The following SLC30A10 variants were observed in gnomAD, a reference collection of about 807,000 sequenced individuals.
The protein encoded by SLC30A10 is calcium/manganese antiporter SLC30A10.
SLC30A10 carries 8 observed loss-of-function variants against 21.7 expected under a neutral mutation model. That is an observed-to-expected ratio of 0.37 (90% CI 0.22 to 0.67). The LOEUF (loss-of-function observed/expected upper bound fraction) is 0.67. Among genes scored for constraint, SLC30A10 ranks in the 30% least tolerant of loss-of-function variants. SLC30A10 has a pLI of 0.58. For missense variants in SLC30A10, 521 were observed against 642.5 expected, an observed-to-expected ratio of 0.81 and a Z score of 2.04; for synonymous variants, 272 against 279.4, an observed-to-expected ratio of 0.97 and a Z score of 0.26.
intron 1 of SLC30A10, among the ~76,000 whole-genome samples, chr1:219,927,326 G>A (rs1452321648): frequency 6.6e-6 from 1 of 152,116 alleles, no homozygotes; most frequent in Non-Finnish European, 1.5e-5. Context: ...AAAACAAAAA[G>A]AGGGTGAATG....
In SLC30A10 at chr1:219,943,068, T is replaced by C. The variant is rs537874866; in HGVS notation, n.80+15500A>G. The stretch of plus-strand genomic sequence containing the variant: ...TCAAAAATAAAAATAAAAATAATCA[T>C]GAAATACACAAAATGTGAGAAGGTA... On this transcript the variant is annotated intron_variant and non_coding_transcript_variant, in intron 1 of 8. Coordinates refer to the SLC30A10 transcript ENST00000484239. 1.5e-4 allele frequency among the ~76,000 whole-genome samples: 23 copies of C among 151,812 alleles called. No individual in the cohort carries two copies. In the South Asian group the frequency reaches 4.8e-3, roughly 32 times the overall value.
In SLC30A10 at chr1:219,912,112, T is replaced by C. The variant is rs1355856112; in HGVS notation, c.*3337A>G. Among the ~76,000 whole-genome samples the C allele has an allele frequency of 7.0e-6, 1 of 142,424 alleles. No homozygotes were observed. Among genetic ancestry groups the C allele is most frequent in the African/African-American group, 2.6e-5 (1 of 37,758 alleles). The allele number at this position is 142,424 out of a possible 152,430, so 93.4% of individuals were successfully genotyped here. A position where few individuals can be genotyped will look rare whatever the true frequency, so the allele number is the denominator to read the frequency against. On this transcript the variant is annotated 3_prime_UTR_variant, in exon 4 of 4. Transcript: ENST00000366926. The stretch of plus-strand genomic sequence containing the variant: ...ATTTCCTTGACATTCAAAACACCTG[T>C]CTCTACTGAACTTTAGAGTTCTTGA...
At chr1:219,953,844 C>A (rs564823404) in intron 1 of SLC30A10, among the ~76,000 whole-genome samples, 1 of 151,306 alleles carries the variant, frequency 6.6e-6, no homozygotes, top group African/African-American at 2.4e-5. Context: ...GTAGCTGGGA[C>A]TACAGGCGCC....
chr1:219,955,950 C>T (rs1242097649), intron 1 of SLC30A10, among the ~76,000 whole-genome samples: 1 of 152,094 alleles, frequency 6.6e-6, no homozygotes, highest in East Asian at 1.9e-4. Flanking sequence ...CATATTTGTT[C>T]TTAAAATGTG....
At chr1:219,933,359 A>C (rs773841532), upstream of SLC30A10, among the ~76,000 whole-genome samples, 1 of 152,280 alleles carries the variant, frequency 6.6e-6, no homozygotes, top group East Asian at 1.9e-4. Flanking sequence ...AAAATACCAG[A>C]CTCTAAATAA....
chr1:219,934,492 T>G (rs1048285236), intron 1 of SLC30A10, among the ~76,000 whole-genome samples: 4 of 151,916 alleles, frequency 2.6e-5, no homozygotes, highest in Non-Finnish European at 4.4e-5. Flanking sequence ...AAGCATAGTT[T>G]GAAAGACAAT....
At chr1:219,936,872 T>C (rs11804376) in intron 1 of SLC30A10, among the ~76,000 whole-genome samples, 6,242 of 152,284 alleles carry the variant, frequency 0.041, 310 homozygotes, top group African/African-American at 0.12. Flanking sequence ...TACATTCTAT[T>C]GTGTACCTGT....
At chr1:219,931,790 T>C (rs1207987975), upstream of SLC30A10, among the ~76,000 whole-genome samples, 1 of 152,192 alleles carries the variant, frequency 6.6e-6, no homozygotes, top group Non-Finnish European at 1.5e-5. Context: ...CAGCATTTTA[T>C]ACTTAACAGC....
At chr1:219,946,667 C>T (rs1660189746) in intron 1 of SLC30A10, among the ~76,000 whole-genome samples, 1 of 152,100 alleles carries the variant, frequency 6.6e-6, no homozygotes, top group Non-Finnish European at 1.5e-5. Context: ...CTCCTTCCAA[C>T]TGCCTGCCCA....
rs1277936158 is a variant in SLC30A10 at position 219,912,170 on chromosome 1, C to G, written c.*3279G>C. Among the ~76,000 whole-genome samples the G allele has an allele frequency of 1.3e-5, 1 of 74,698 alleles. No individual in the cohort carries two copies. 49.0% of individuals were successfully genotyped at this position (74,698 alleles called of 152,430 possible). A position where few individuals can be genotyped will look rare whatever the true frequency, so the allele number is the denominator to read the frequency against. ...CCACTGGAATTTGCTCTACCAATGG[C>G]AAAAAAAAAAAAAAAAAAAAAAAAA... On this transcript the variant is annotated 3_prime_UTR_variant, in exon 4 of 4. Coordinates refer to ENST00000366926, the MANE Select transcript of SLC30A10 (RefSeq NM_018713.3).
intron 1 of SLC30A10, among the ~76,000 whole-genome samples, chr1:219,927,398 G>A (rs995923815): frequency 6.6e-6 from 1 of 151,914 alleles, no homozygotes; most frequent in Non-Finnish European, 1.5e-5. Context: ...GGGCAAAGAG[G>A]GGGGGAGAAC....
chr1:219,950,435 C>T (rs1055447656), intron 1 of SLC30A10, among the ~76,000 whole-genome samples: 28 of 151,760 alleles, frequency 1.8e-4, no homozygotes, highest in Non-Finnish European at 3.1e-4. Context: ...GTCAGGAGAT[C>T]GAGACCATCC....
intron 1 of SLC30A10, among the ~76,000 whole-genome samples, chr1:219,950,212 A>G (rs1286559294): frequency 6.6e-6 from 1 of 152,268 alleles, no homozygotes; most frequent in Non-Finnish European, 1.5e-5. Flanking sequence ...CATTATTTCA[A>G]TGAGCTACAT....
chr1:219,922,176 GTTTTTTTTTTTTTTTTTTTT>G (rs869249213), intron 2 of SLC30A10, among the ~76,000 whole-genome samples: 3 of 36,450 alleles, frequency 8.2e-5, no homozygotes, highest in African/African-American at 2.2e-4. Flanking sequence ...GTGTGTGTGT[GTTTTTTTTTTTTTTTTTTTT>G]TTTTTTTTTT....
At chr1:219,936,717 C>T (rs1033507903) in intron 1 of SLC30A10, among the ~76,000 whole-genome samples, 1 of 152,176 alleles carries the variant, frequency 6.6e-6, no homozygotes, top group East Asian at 1.9e-4. Flanking sequence ...ACCCTTCAAA[C>T]TGCAATAGGA....
upstream of SLC30A10, among the ~76,000 whole-genome samples, chr1:219,928,911 G>T (rs2102536513): frequency 6.6e-6 from 1 of 152,312 alleles, no homozygotes; most frequent in East Asian, 1.9e-4. The surrounding 1 kb of genome is among the most constrained non-coding windows in gnomAD (Gnocchi z 6.3). Flanking sequence ...AGTCATAAGG[G>T]CCTTGGCTGC....
At chr1:219,943,570 C>T (rs1280515787) in intron 1 of SLC30A10, among the ~76,000 whole-genome samples, 1 of 152,132 alleles carries the variant, frequency 6.6e-6, no homozygotes, top group African/African-American at 2.4e-5. Flanking sequence ...ACCATCATAG[C>T]AAAGCCAGGA....
intron 1 of SLC30A10, among the ~76,000 whole-genome samples, chr1:219,939,085 G>A (rs1660082432): frequency 6.6e-6 from 1 of 152,196 alleles, no homozygotes; most frequent in Non-Finnish European, 1.5e-5. Context: ...GGCAGACTAA[G>A]TTAGAGGATT....
At position 219,915,373 on chromosome 1, in the gene SLC30A10, A is replaced by G. The variant is rs991713305; in HGVS notation, c.*76T>C. 2 of 1,545,710 alleles carry G rather than the reference A, an allele frequency of 1.3e-6. No homozygotes were observed. The highest frequency in any genetic ancestry group is 1.8e-6 in the Non-Finnish European group (2 of 1,142,830). On this transcript the variant is annotated 3_prime_UTR_variant, in exon 4 of 4. Transcript: ENST00000366926. ...CAAGTCTAGTCTGGGCCTACAACCC[A>G]GAAAGCTCTTTTTGTGAGCCAAGCT...
Sources: allele counts gnomAD v4.1 joint callset (sites outside exome capture counted in the v4.1 genomes callset), GRCh38; gene constraint gnomAD v4.1.1; non-coding constraint Gnocchi (gnomAD v3.1); transcripts MANE v1.5; gene names NCBI Gene and HGNC (gene_info 2026-07-23, HGNC 2026-07-21).